Variants in XRRA1 observed in about 807,000 individuals in gnomAD.
XRRA1 encodes X-ray radiation resistance associated 1, also known as X-ray radiation resistance-associated protein 1.
Under a neutral mutation model 80.2 loss-of-function variants are expected in XRRA1, and 69 were observed. That is an observed-to-expected ratio of 0.86 (90% CI 0.71 to 1.05). The LOEUF (loss-of-function observed/expected upper bound fraction) is 1.05, where lower values mean the gene tolerates loss of function less well. XRRA1 is among the 50% of genes least tolerant of loss of function. The pLI is 0.00. For missense variants in XRRA1, 967 were observed against 976.4 expected (o/e 0.99, Z 0.13); for synonymous variants, 348 against 389.9 (o/e 0.89, Z 1.27).
chr11:74,891,409 T>C (rs888592619), intron 10 of XRRA1, among the ~76,000 whole-genome samples: 33 of 152,216 alleles, frequency 2.2e-4, no homozygotes, highest in African/African-American at 7.5e-4. Flanking sequence ...TATCTGAAAA[T>C]AGTAAGAGCT....
At chr11:74,843,508 C>G in intron 18 of XRRA1, 55 bp from the exon 19 acceptor site, 1 of 1,571,912 alleles carries the variant, frequency 6.4e-7, no homozygotes, top group Non-Finnish European at 8.6e-7. Context: ...CTCACCTAGC[C>G]AGAAGCAAGA....
intron 10 of XRRA1, 180 bp from the exon 11 acceptor site, chr11:74,863,201 A>C: frequency 1.5e-6 from 1 of 675,328 alleles, no homozygotes; most frequent in Non-Finnish European, 2.7e-6. Flanking sequence ...GCATCAGGTA[A>C]TAAGTCCCTT....
chr11:74,927,941 T>C (rs1942665492), intron 6 of XRRA1, among the ~76,000 whole-genome samples: 2 of 152,154 alleles, frequency 1.3e-5, no homozygotes, highest in Non-Finnish European at 2.9e-5. Context: ...TATATCAAAA[T>C]ACATACCTCT....
At chr11:74,907,108 T>C in intron 9 of XRRA1, 37 bp downstream of exon 9, 2 of 1,611,714 alleles carry the variant, frequency 1.2e-6, no homozygotes, top group South Asian at 1.1e-5. Flanking sequence ...GCCTGGGGAT[T>C]AGAGGAGGCC....
intron 7 of XRRA1, among the ~76,000 whole-genome samples, chr11:74,924,868 T>C (rs1398107217): frequency 2.0e-5 from 3 of 152,218 alleles, no homozygotes; most frequent in East Asian, 1.9e-4. Context: ...CAAAGTTTTA[T>C]TGGAACACAG....
At chr11:74,935,598 T>C (rs1351610109) in intron 4 of XRRA1, among the ~76,000 whole-genome samples, 1 of 152,118 alleles carries the variant, frequency 6.6e-6, no homozygotes, top group Non-Finnish European at 1.5e-5. Context: ...GAGGCAAATG[T>C]CAAGGATAAC....
In XRRA1 at chr11:74,863,188, C is replaced by T. The variant is rs1345319758; in HGVS notation, c.1004-167G>A. The T allele has an allele frequency of 7.2e-6, 5 of 695,948 alleles. No individual in the cohort carries two copies. The Admixed American group carries it at 1.1e-4, about 15-fold the overall frequency. 43.1% of individuals were successfully genotyped at this position (695,948 alleles called of 1,614,324 possible). A position where few individuals can be genotyped will look rare whatever the true frequency, so the allele number is the denominator to read the frequency against. ...AACTAGGAAGAGGAGCTGGCTGTGA[C>T]ATGCATCAGGTAATAAGTCCCTTTG... On this transcript the variant is annotated intron_variant, in intron 10 of 18. Transcript: ENST00000684022.
intron 15 of XRRA1, 60 bp downstream of exon 15, chr11:74,848,055 G>A (rs1402846819): frequency 2.0e-6 from 3 of 1,469,702 alleles, no homozygotes; most frequent in African/African-American, 2.8e-5. Flanking sequence ...GAGCCTAAGG[G>A]CTGCACAGGA....
intron 10 of XRRA1, among the ~76,000 whole-genome samples, chr11:74,892,876 G>T (rs2051167501): frequency 6.6e-6 from 1 of 151,534 alleles, no homozygotes; most frequent in African/African-American, 2.4e-5. Context: ...ACACCAGTTA[G>T]AATGGTGATC....
intron 10 of XRRA1, among the ~76,000 whole-genome samples, chr11:74,887,181 T>G (rs931277634): frequency 6.6e-6 from 1 of 152,172 alleles, no homozygotes; most frequent in African/African-American, 2.4e-5. Flanking sequence ...ATGACAAAGA[T>G]GCCTAAAGCA....
rs543148113 is a variant in XRRA1, at chr11:74,845,323, C to T, written c.1729-52G>A. 8.1e-5 allele frequency: 125 copies of T among 1,537,896 alleles called. 2 individuals are homozygous for T. In the South Asian group the frequency reaches 1.4e-3, roughly 17 times the overall value. ...TTTGTCACTCATTCATTCATTCATT[C>T]CATGAACATTCGGAGTATCATCTCT... On this transcript the variant is annotated intron_variant, in intron 15 of 18. Coordinates refer to ENST00000684022, the MANE Select transcript of XRRA1 (RefSeq NM_001378157.1).
intron 10 of XRRA1, among the ~76,000 whole-genome samples, chr11:74,871,195 T>G (rs1291034678): frequency 6.6e-6 from 1 of 152,218 alleles, no homozygotes; most frequent in African/African-American, 2.4e-5. Flanking sequence ...TGAGTGTGAC[T>G]AAATCCATCA....
At chr11:74,866,547 T>C (rs951431582) in intron 10 of XRRA1, among the ~76,000 whole-genome samples, 1 of 151,986 alleles carries the variant, frequency 6.6e-6, no homozygotes, top group African/African-American at 2.4e-5. Context: ...TGAGTCACTA[T>C]GCCCAGCCAA....
intron 2 of XRRA1, among the ~76,000 whole-genome samples, chr11:74,941,975 C>G (rs1003656102): frequency 6.6e-6 from 1 of 151,962 alleles, no homozygotes; most frequent in African/African-American, 2.4e-5. Flanking sequence ...TTAGCCAGCA[C>G]AGTGGTACAT....
intron 8 of XRRA1, among the ~76,000 whole-genome samples, 187 bp from the exon 9 acceptor site, chr11:74,907,460 A>AGCAGCAGGC (rs2054878572): frequency 6.6e-6 from 1 of 152,212 alleles, no homozygotes; most frequent in Admixed American, 6.5e-5. Context: ...CTCCTTTCCC[A>AGCAGCAGGC]AACACTATTA....
chr11:74,877,405 TCTA>T (rs2046288120), intron 10 of XRRA1, among the ~76,000 whole-genome samples: 1 of 152,218 alleles, frequency 6.6e-6, no homozygotes, highest in Non-Finnish European at 1.5e-5. Flanking sequence ...GGTATCAAAC[TCTA>T]CTGTCATGGT....
rs918391859 is a variant in XRRA1, at chr11:74,841,686, C to G, written c.*1514G>C. On this transcript the variant is annotated 3_prime_UTR_variant, in exon 19 of 19. Transcript: ENST00000684022. The stretch of plus-strand genomic sequence containing the variant: ...CCTTTCTGGTGTCTTAAATCAAGAA[C>G]TAGTTTGAAGCCAAGGCAAAGCAAG... The G allele has an allele frequency of 7.2e-5, 11 of 152,198 alleles. No homozygotes were observed. The highest frequency in any genetic ancestry group is 2.6e-4 in the Admixed American group (4 of 15,272). 9.4% of individuals were successfully genotyped at this position (152,198 alleles called of 1,614,324 possible). A position where few individuals can be genotyped will look rare whatever the true frequency, so the allele number is the denominator to read the frequency against.
intron 10 of XRRA1, among the ~76,000 whole-genome samples, chr11:74,877,781 A>C (rs2046414414): frequency 6.6e-6 from 1 of 152,046 alleles, no homozygotes; most frequent in Non-Finnish European, 1.5e-5. Context: ...GTCCCTACAA[A>C]GGACATGAAC....
rs1052539430 is a variant in XRRA1 at position 74,848,037 on chromosome 11, C to G, written c.1728+78G>C. 6.8e-6 allele frequency: 9 copies of G among 1,325,052 alleles called. No homozygotes were observed. In the Admixed American group the frequency reaches 2.0e-4, roughly 29 times the overall value. The allele number at this position is 1,325,052 out of a possible 1,614,324, so 82.1% of individuals were successfully genotyped here. On this transcript the variant is annotated intron_variant, in intron 15 of 18. Transcript: ENST00000684022. ...TGTGCTTGTTGCTCCCAGCTGTCCACAGCAATCGAGCCTAAGGGCTGCACA... is the reference window on the plus strand; with the variant it reads ...TGTGCTTGTTGCTCCCAGCTGTCCAGAGCAATCGAGCCTAAGGGCTGCACA...
Sources: gnomAD v4.1 joint callset for allele counts (sites outside exome capture counted in the v4.1 genomes callset) on GRCh38, gnomAD v4.1.1 for gene constraint, MANE v1.5 for transcripts, NCBI Gene and HGNC (gene_info 2026-07-23, HGNC 2026-07-21) for gene names.